Variants in PDXDC1 observed in about 807,000 individuals in gnomAD.
PDXDC1 encodes pyridoxal dependent decarboxylase domain containing 1.
In PDXDC1, 42 loss-of-function variants were observed where a neutral mutation model predicts 100.1. The observed-to-expected ratio is 0.42, with a 90% CI of 0.33 to 0.54. The LOEUF (loss-of-function observed/expected upper bound fraction) is 0.54, where lower values mean the gene tolerates loss of function less well. Among genes scored for constraint, PDXDC1 ranks in the 20% least tolerant of loss-of-function variants. The pLI, the probability that PDXDC1 is intolerant of heterozygous loss-of-function variation, is 0.10. For missense variants in PDXDC1, 636 were observed against 979.2 expected (o/e 0.65, Z 4.68); for synonymous variants, 260 against 371.7 (o/e 0.70, Z 3.46).
intron 16 of PDXDC1, chr16:15,044,420 T>TGAGACGGGTCAGAGGCCAGAAGAA (rs745652451): frequency 5.6e-5 from 89 of 1,601,176 alleles, no homozygotes; most frequent in Middle Eastern, 1.7e-4. Context: ...GGCAAAGAGA[T>TGAGACGGGTCAGAGGCCAGAAGAA]GAGACGGGTC....
At chr16:15,095,514 A>G (rs1026871112) in intron 16 of PDXDC1, among the ~76,000 whole-genome samples, 58 of 152,200 alleles carry the variant, frequency 3.8e-4, no homozygotes, top group Non-Finnish European at 5.0e-4. Flanking sequence ...CTTGGGCAAC[A>G]GAGTGAGACC....
intron 12 of PDXDC1, 38 bp downstream of exon 12, chr16:15,019,003 G>T (rs1370848025): frequency 6.3e-7 from 1 of 1,597,180 alleles, no homozygotes; most frequent in African/African-American, 1.3e-5. Context: ...AAGACTCCTT[G>T]GCCACAGCAG....
chr16:15,009,525 A>C, intron 7 of PDXDC1, 156 bp from the exon 8 acceptor site: 1 of 1,107,578 alleles, frequency 9.0e-7, no homozygotes, highest in Non-Finnish European at 1.2e-6. Context: ...TTTGATTTTC[A>C]CATCTATGAT....
intron 16 of PDXDC1, among the ~76,000 whole-genome samples, chr16:15,076,123 C>A (rs2045444978): frequency 6.6e-6 from 1 of 152,216 alleles, no homozygotes; most frequent in African/African-American, 2.4e-5. Context: ...CTTCTGCTCC[C>A]TGACACCCTC....
chr16:15,037,335 A>G lies in PDXDC1; in HGVS notation c.*1060A>G, dbSNP rs1042291590. The G allele has an allele frequency of 2.0e-5, 3 of 152,254 alleles. No individual in the cohort carries two copies. The highest frequency in any genetic ancestry group is 6.5e-5 in the Admixed American group (1 of 15,284). The allele number at this position is 152,254 out of a possible 1,614,324, so 9.4% of individuals were successfully genotyped here. ...CTGTGCCTTCTTAATCCAGCAGTCA[A>G]GCTTTTGGGAGACCTGAAAATGGGA... is the stretch of plus-strand genomic sequence containing the variant. On this transcript the variant is annotated 3_prime_UTR_variant, in exon 23 of 23. Transcript: ENST00000396410.
chr16:15,038,546 A>G (rs570478435), downstream of PDXDC1: 10 of 1,252,624 alleles, frequency 8.0e-6, no homozygotes, highest in East Asian at 6.9e-5. Context: ...GCAGAGATTT[A>G]AGACTTACCC....
intron 16 of PDXDC1, among the ~76,000 whole-genome samples, chr16:15,092,025 A>T (rs1270047791): frequency 2.0e-5 from 3 of 152,110 alleles, no homozygotes; most frequent in Non-Finnish European, 4.4e-5. Context: ...AAAAAAATAA[A>T]AAAATTAGCC....
chr16:15,150,073 G>A, the PDXDC1 span, among the ~76,000 whole-genome samples: 1 of 151,956 alleles, frequency 6.6e-6, no homozygotes, highest in African/African-American at 2.4e-5. Context: ...AAAGACAGGC[G>A]GTGGCTCAAG....
chr16:15,012,246 G>A (rs1597486902), intron 8 of PDXDC1, among the ~76,000 whole-genome samples: 1 of 151,718 alleles, frequency 6.6e-6, no homozygotes, highest in South Asian at 2.1e-4. Context: ...TGGGATTACA[G>A]GCATGTGCCA....
intron 16 of PDXDC1, chr16:15,132,941 C>A: frequency 2.5e-6 from 4 of 1,576,408 alleles, no homozygotes; most frequent in Non-Finnish European, 3.4e-6. Flanking sequence ...CAGCAGATGC[C>A]CACGACTCCC....
chr16:15,122,585 T>C (rs1455500488), intron 16 of PDXDC1, among the ~76,000 whole-genome samples: 1 of 149,288 alleles, frequency 6.7e-6, no homozygotes, highest in Non-Finnish European at 1.5e-5. Context: ...GGTGGACTGA[T>C]GGCTGATAAA....
chr16:15,143,585 C>T (rs990414696), downstream of PDXDC1, among the ~76,000 whole-genome samples: 35 of 152,330 alleles, frequency 2.3e-4, no homozygotes, highest in African/African-American at 7.5e-4. Context: ...ACAGTTGGCG[C>T]GAGGGTGGGT....
intron 16 of PDXDC1, chr16:15,128,236 A>G (rs752000659): frequency 1.2e-6 from 2 of 1,611,312 alleles, no homozygotes; most frequent in Admixed American, 1.7e-5. Context: ...GTCGTGCCAC[A>G]CTCGGATCTT....
chr16:15,063,601 G>A (rs1480205315), intron 16 of PDXDC1, among the ~76,000 whole-genome samples: 26 of 151,392 alleles, frequency 1.7e-4, no homozygotes, highest in African/African-American at 6.1e-4. Flanking sequence ...CCAGCTACTC[G>A]GGAGGCTGAG....
chr16:15,083,677 A>T, intron 16 of PDXDC1: 2 of 1,539,052 alleles, frequency 1.3e-6, no homozygotes, highest in Non-Finnish European at 1.8e-6. Flanking sequence ...ATATTGATAG[A>T]CATAGGAGGC....
intron 16 of PDXDC1, among the ~76,000 whole-genome samples, chr16:15,100,560 TCCCTGGCCTCTA>T (rs1296706036): frequency 2.0e-5 from 3 of 152,146 alleles, no homozygotes; most frequent in Non-Finnish European, 2.9e-5. Flanking sequence ...TTCAGCAGCA[TCCCTGGCCTCTA>T]CCCAGTAGAT....
intron 21 of PDXDC1, among the ~76,000 whole-genome samples, chr16:15,035,190 C>CT (rs2043334076): frequency 6.6e-6 from 1 of 152,228 alleles, no homozygotes; most frequent in Admixed American, 6.5e-5. Flanking sequence ...CTTCTTGTGG[C>CT]TACAGTACGT....
At chr16:15,010,574 A>G (rs1187367185) in intron 8 of PDXDC1, among the ~76,000 whole-genome samples, 2 of 152,298 alleles carry the variant, frequency 1.3e-5, no homozygotes, top group African/African-American at 4.8e-5. Flanking sequence ...TTAAATATCT[A>G]CCTTATAGGC....
intron 16 of PDXDC1, among the ~76,000 whole-genome samples, chr16:15,101,444 G>A (rs1233394489): frequency 2.6e-5 from 4 of 152,154 alleles, no homozygotes; most frequent in African/African-American, 4.8e-5. Flanking sequence ...AGCCTCCCAA[G>A]TAGCTGGAAT....
Sources: gnomAD v4.1 joint callset for allele counts (sites outside exome capture counted in the v4.1 genomes callset) on GRCh38, gnomAD v4.1.1 for gene constraint, MANE v1.5 for transcripts, NCBI Gene and HGNC (gene_info 2026-07-23, HGNC 2026-07-21) for gene names.